The following TULP4 variants were observed in gnomAD, a reference collection of about 807,000 sequenced individuals.
The protein encoded by TULP4 is TUB like protein 4.
TULP4 carries 16 observed loss-of-function variants against 129.0 expected under a neutral mutation model. The observed-to-expected ratio is 0.12, with a 90% confidence interval of 0.08 to 0.19. The LOEUF is 0.19. Ranked by LOEUF, TULP4 falls within the 10% of genes least tolerant of loss-of-function variation. The pLI is 1.00. For synonymous variants in TULP4, 998 were observed against 854.0 expected, an observed-to-expected ratio of 1.17 and a Z score of -2.94; for missense variants, 1,842 against 2,059.1, an observed-to-expected ratio of 0.89 and a Z score of 2.04.
At chr6:158,479,061 C>T (rs1779880118) in intron 6 of TULP4, among the ~76,000 whole-genome samples, 1 of 152,090 alleles carries the variant, frequency 6.6e-6, no homozygotes, top group South Asian at 2.1e-4. Flanking sequence ...GGTCCCCACT[C>T]ATGAGAAAAG....
At chr6:158,239,459 G>C (rs1320929079) in intron 1 of TULP4, among the ~76,000 whole-genome samples, 1 of 64,184 alleles carries the variant, frequency 1.6e-5, no homozygotes, top group Non-Finnish European at 3.5e-5. Context: ...CCGGGTGGGG[G>C]GCTGACCCCC....
At chr6:158,440,420 G>A (rs1404566511) in intron 3 of TULP4, among the ~76,000 whole-genome samples, 1 of 151,906 alleles carries the variant, frequency 6.6e-6, no homozygotes, top group Non-Finnish European at 1.5e-5. Context: ...TGAGTGTGCT[G>A]TAAGTAGGTT....
chr6:158,280,587 G>A (rs1369122167), upstream of TULP4, among the ~76,000 whole-genome samples: 1 of 152,262 alleles, frequency 6.6e-6, no homozygotes, highest in African/African-American at 2.4e-5. Context: ...CCCTGCCTCA[G>A]TGTCTGTGCA....
intron 1 of TULP4, among the ~76,000 whole-genome samples, chr6:158,354,006 A>G (rs1432069653): frequency 1.3e-5 from 2 of 152,152 alleles, no homozygotes; most frequent in East Asian, 3.9e-4. Context: ...GTCTTCGGGG[A>G]GCAATTTTGT....
intron 1 of TULP4, among the ~76,000 whole-genome samples, chr6:158,301,414 A>G (rs1457716411): frequency 1.3e-5 from 2 of 151,636 alleles, no homozygotes; most frequent in African/African-American, 4.8e-5. Context: ...TTTTTTGGAT[A>G]ATGATTGTCA....
At chr6:158,499,958 T>C (rs1780407359) in intron 12 of TULP4, among the ~76,000 whole-genome samples, 1 of 152,220 alleles carries the variant, frequency 6.6e-6, no homozygotes, top group Non-Finnish European at 1.5e-5. Flanking sequence ...GTGGTCCTAA[T>C]AGGCCAAGCT....
intron 1 of TULP4, among the ~76,000 whole-genome samples, chr6:158,236,795 C>CTTTTTCTTTTTTTTTTTTT (rs1777713125): frequency 1.6e-5 from 1 of 63,292 alleles, no homozygotes. Flanking sequence ...CAATTCTTTT[C>CTTTTTCTTTTTTTTTTTTT]TTTTTTTTTT....
intron 1 of TULP4, among the ~76,000 whole-genome samples, chr6:158,236,936 G>T (rs376717519): frequency 1.3e-5 from 2 of 149,398 alleles, no homozygotes; most frequent in African/African-American, 2.5e-5. Context: ...TCAGCCACCC[G>T]AGTAGCTGGG....
At chr6:158,408,761 T>C (rs1226690370) in intron 1 of TULP4, among the ~76,000 whole-genome samples, 1 of 152,254 alleles carries the variant, frequency 6.6e-6, no homozygotes, top group Non-Finnish European at 1.5e-5. Context: ...ATTGTTCTAG[T>C]TGAATTTCTT....
At chr6:158,309,818 CAGTG>C (rs1339145086), upstream of TULP4, among the ~76,000 whole-genome samples, 1 of 149,598 alleles carries the variant, frequency 6.7e-6, no homozygotes, top group East Asian at 2.0e-4. Context: ...AGGGAGGTTG[CAGTG>C]AGCCGAGATG....
At chr6:158,394,381 C>T (rs563661343) in intron 1 of TULP4, among the ~76,000 whole-genome samples, 1 of 152,256 alleles carries the variant, frequency 6.6e-6, no homozygotes, top group South Asian at 2.1e-4. Flanking sequence ...TAACCTTTGC[C>T]TATTACCCAG....
At chr6:158,269,201 C>T (rs1272301731) in intron 1 of TULP4, among the ~76,000 whole-genome samples, 2 of 152,008 alleles carry the variant, frequency 1.3e-5, no homozygotes, top group Non-Finnish European at 2.9e-5. Context: ...ACTTTTTCTT[C>T]CTATTCCAAA....
At chr6:158,282,092 T>C (rs922428700), upstream of TULP4, among the ~76,000 whole-genome samples, 4 of 152,220 alleles carry the variant, frequency 2.6e-5, no homozygotes, top group Non-Finnish European at 5.9e-5. Context: ...AACAGTCTTA[T>C]TTTGTATGTG....
At chr6:158,495,502 TGGTAAA>T (rs1353771496) in intron 11 of TULP4, among the ~76,000 whole-genome samples, 1 of 152,244 alleles carries the variant, frequency 6.6e-6, no homozygotes, top group Non-Finnish European at 1.5e-5. Flanking sequence ...GGCGGATTTT[TGGTAAA>T]CTCCTGAAGA....
chr6:158,397,598 T>C (rs554946780), intron 1 of TULP4, among the ~76,000 whole-genome samples: 1 of 152,288 alleles, frequency 6.6e-6, no homozygotes, highest in Admixed American at 6.5e-5. Context: ...TCAGCTATTG[T>C]TTTTGATGTG....
intron 1 of TULP4, among the ~76,000 whole-genome samples, chr6:158,374,937 T>A (rs773902897): frequency 1.3e-5 from 2 of 152,220 alleles, no homozygotes; most frequent in Non-Finnish European, 2.9e-5. Context: ...TATGCTTACC[T>A]AAGCCAAGTG....
chr6:158,240,961 C>G (rs1189091786), intron 1 of TULP4, among the ~76,000 whole-genome samples: 1 of 142,168 alleles, frequency 7.0e-6, no homozygotes, highest in African/African-American at 2.5e-5. Context: ...AGGGCAGCTG[C>G]CGGGCGGAGG....
chr6:158,468,299 CTATTT>C (rs1343896581), intron 6 of TULP4, among the ~76,000 whole-genome samples: 1 of 152,200 alleles, frequency 6.6e-6, no homozygotes, highest in Non-Finnish European at 1.5e-5. Flanking sequence ...TTCTTTATTA[CTATTT>C]TAATTTGTTT....
chr6:158,266,475 C>T (rs1190912156), intron 1 of TULP4, among the ~76,000 whole-genome samples: 3 of 152,044 alleles, frequency 2.0e-5, no homozygotes, highest in African/African-American at 7.2e-5. Context: ...AGGCTGGTTT[C>T]GAACTCCTGG....
Sources: allele counts gnomAD v4.1 joint callset (sites outside exome capture counted in the v4.1 genomes callset), GRCh38; gene constraint gnomAD v4.1.1; transcripts MANE v1.5; gene names NCBI Gene and HGNC (gene_info 2026-07-23, HGNC 2026-07-21).